The following SPIDR variants were observed in gnomAD, a reference collection of about 807,000 sequenced individuals.
The protein encoded by SPIDR is scaffold protein involved in DNA repair.
A neutral mutation model predicts 104.6 loss-of-function variants in SPIDR; 93 were observed. The observed-to-expected ratio is 0.89, with a 90% CI of 0.75 to 1.06. The LOEUF (loss-of-function observed/expected upper bound fraction) is 1.06. SPIDR is among the 50% of genes least tolerant of loss of function. The probability of loss-of-function intolerance (pLI) is 0.00; values close to 1 mark genes in which losing one functional copy is unlikely to be tolerated. For missense variants in SPIDR, 1,154 were observed against 1,111.2 expected (o/e 1.04, Z -0.55); for synonymous variants, 431 against 416.9 (o/e 1.03, Z -0.41).
Position 47,396,591 on chromosome 8 carries a change from G to A in SPIDR, c.741G>A (p.Arg247=), listed in dbSNP as rs2061274410. ...AGAAACCCACAGCTAAGTTTCCCAG[G>A]ACTCCAGAAAATTCAGCAAAGAAGA... ...TPQKPTAKFP[R]TPENSAKKKL... The change falls in exon 6 of 20, where the codon AGG becomes AGA. Residue 247 remains arginine (R), a synonymous_variant. Transcript: ENST00000297423. 1.2e-6 allele frequency: 2 copies of A among 1,613,748 alleles called. No individual in the cohort carries two copies. The highest frequency in any genetic ancestry group is 8.5e-7 in the Non-Finnish European group (1 of 1,179,904).
intron 8 of SPIDR, chr8:47,511,594 A>G (rs1004408164): frequency 5.1e-6 from 4 of 784,894 alleles, no homozygotes; most frequent in Admixed American, 1.7e-5. Context: ...GCAGAGTTTC[A>G]GTACTACATG....
chr8:47,629,295 G>A (rs2154441388), intron 10 of SPIDR, among the ~76,000 whole-genome samples: 1 of 152,314 alleles, frequency 6.6e-6, no homozygotes, highest in Middle Eastern at 3.4e-3. Flanking sequence ...GTAGGTCTGG[G>A]TTTTGGGGGT....
intron 5 of SPIDR, among the ~76,000 whole-genome samples, chr8:47,346,810 C>G (rs1490757177): frequency 1.3e-5 from 2 of 151,896 alleles, no homozygotes; most frequent in Non-Finnish European, 2.9e-5. Context: ...GGTGATATCC[C>G]CTTTATCATT....
chr8:47,549,525 G>A (rs1199394198), intron 8 of SPIDR, among the ~76,000 whole-genome samples: 4 of 152,212 alleles, frequency 2.6e-5, no homozygotes, highest in African/African-American at 9.7e-5. Context: ...GGCCAGTGAT[G>A]ATGAGCATGT....
intron 9 of SPIDR, among the ~76,000 whole-genome samples, chr8:47,597,898 A>G (rs1035226291): frequency 2.6e-5 from 4 of 152,198 alleles, no homozygotes; most frequent in African/African-American, 7.2e-5. Flanking sequence ...TCTGGGTTAT[A>G]TAAGTTGTCG....
rs75145913 is a variant in SPIDR, at chr8:47,264,050, G to T, written c.33+3059G>T. On this transcript the variant is annotated intron_variant, in intron 1 of 19. Transcript: ENST00000297423. ...TAGAAGATTTGCAAGTATTCCAGGT[G>T]TGAAGAAACAGGAGGAAATACCCTA... 9.3e-4 allele frequency among the ~76,000 whole-genome samples: 142 copies of T among 152,354 alleles called. 1 individual carries two copies. Among genetic ancestry groups the T allele is most frequent in the African/African-American group, 3.3e-3 (138 of 41,582 alleles).
intron 8 of SPIDR, among the ~76,000 whole-genome samples, chr8:47,590,173 CAA>C (rs59910930): frequency 1.5e-4 from 15 of 100,486 alleles, no homozygotes; most frequent in Admixed American, 2.2e-4. Context: ...GACTCTGTCT[CAA>C]AAAAAAAAAA....
chr8:47,626,344 TA>T (rs2066102082), intron 10 of SPIDR, among the ~76,000 whole-genome samples: 2 of 152,186 alleles, frequency 1.3e-5, no homozygotes, highest in South Asian at 2.1e-4. Flanking sequence ...ACTCCATGAC[TA>T]AAACACCCAA....
At chr8:47,566,472 T>A (rs542386742) in intron 8 of SPIDR, among the ~76,000 whole-genome samples, 1 of 152,184 alleles carries the variant, frequency 6.6e-6, no homozygotes. Context: ...AAAGGACTTA[T>A]AAAGTCCAGC....
chr8:47,548,681 A>G (rs1456960220), intron 8 of SPIDR, among the ~76,000 whole-genome samples: 1 of 152,242 alleles, frequency 6.6e-6, no homozygotes, highest in Non-Finnish European at 1.5e-5. Context: ...AGTAAGAATG[A>G]TGAAAGGACT....
At chr8:47,347,451 TGTCTA>T (rs1554619066) in intron 5 of SPIDR, among the ~76,000 whole-genome samples, 1 of 152,248 alleles carries the variant, frequency 6.6e-6, no homozygotes, top group Non-Finnish European at 1.5e-5. Context: ...GTTCTGTAGA[TGTCTA>T]TTAGGTCCAC....
At chr8:47,627,471 T>G (rs937939380) in intron 10 of SPIDR, among the ~76,000 whole-genome samples, 10 of 152,188 alleles carry the variant, frequency 6.6e-5, no homozygotes, top group African/African-American at 2.4e-4. Flanking sequence ...TCCCTTTACT[T>G]AAGAATTTTG....
At chr8:47,262,317 ACT>A (rs1244155939) in intron 1 of SPIDR, among the ~76,000 whole-genome samples, 3 of 149,810 alleles carry the variant, frequency 2.0e-5, no homozygotes, top group Non-Finnish European at 1.5e-5. Context: ...ATTTTTCAAG[ACT>A]CTTTTTTTTT....
At chr8:47,539,954 G>A (rs1587424269) in intron 8 of SPIDR, among the ~76,000 whole-genome samples, 1 of 152,136 alleles carries the variant, frequency 6.6e-6, no homozygotes, top group Admixed American at 6.6e-5. Context: ...AAAGAAAGAA[G>A]TAAAAATATT....
intron 10 of SPIDR, among the ~76,000 whole-genome samples, chr8:47,601,759 G>C (rs2062325499): frequency 6.6e-6 from 1 of 152,232 alleles, no homozygotes; most frequent in Non-Finnish European, 1.5e-5. Context: ...CCAGGGTCAA[G>C]TTGTCCAGGG....
chr8:47,644,056 T>G (rs1246697956), intron 10 of SPIDR, among the ~76,000 whole-genome samples: 2 of 152,230 alleles, frequency 1.3e-5, no homozygotes, highest in Admixed American at 6.5e-5. Context: ...CAGTCTGTCC[T>G]GGAACCTCTG....
chr8:47,599,293 GCATTCA>G, intron 10 of SPIDR, 97 bp downstream of exon 10: 1 of 1,492,454 alleles, frequency 6.7e-7, no homozygotes, highest in Non-Finnish European at 9.1e-7. Context: ...GTTCTTAGCT[GCATTCA>G]CCATATACGT....
At chr8:47,458,571 T>C (rs1160570674) in intron 8 of SPIDR, among the ~76,000 whole-genome samples, 1 of 151,886 alleles carries the variant, frequency 6.6e-6, no homozygotes, top group Non-Finnish European at 1.5e-5. Flanking sequence ...TATGCAATCA[T>C]ATCATCAGCA....
At chr8:47,361,907 G>T (rs1250443870) in intron 5 of SPIDR, among the ~76,000 whole-genome samples, 3 of 152,200 alleles carry the variant, frequency 2.0e-5, no homozygotes, top group African/African-American at 2.4e-5. Context: ...AGTTGTGAGG[G>T]ACAGCACATG....
Sources: allele counts gnomAD v4.1 joint callset (sites outside exome capture counted in the v4.1 genomes callset), GRCh38; gene constraint gnomAD v4.1.1; transcripts MANE v1.5; gene names NCBI Gene and HGNC (gene_info 2026-07-23, HGNC 2026-07-21).